Variants in RIPOR1 observed in about 807,000 individuals in gnomAD.
RIPOR1 encodes the protein RHO family interacting cell polarization regulator 1.
Under a neutral mutation model 116.5 loss-of-function variants are expected in RIPOR1, and 58 were observed. The observed-to-expected ratio is 0.50, with a 90% CI of 0.40 to 0.62. RIPOR1 has a LOEUF of 0.62. Ranked by LOEUF, RIPOR1 falls within the 20% of genes least tolerant of loss-of-function variation. The probability of loss-of-function intolerance (pLI) is 0.00; values close to 1 mark genes in which losing one functional copy is unlikely to be tolerated. For synonymous variants in RIPOR1, 605 were observed against 650.0 expected (o/e 0.93, Z 1.05); for missense variants, 1,372 against 1,586.2 (o/e 0.86, Z 2.29).
upstream of RIPOR1, chr16:67,528,441 C>A (rs577821372): frequency 6.6e-6 from 1 of 152,420 alleles, no homozygotes; most frequent in South Asian, 2.1e-4. Flanking sequence ...CTCCCCAAGG[C>A]CTTCACAACA....
intron 1 of RIPOR1, among the ~76,000 whole-genome samples, chr16:67,535,818 C>G (rs1166761007): frequency 6.6e-6 from 1 of 152,052 alleles, no homozygotes. Flanking sequence ...GAGAGGCCAG[C>G]GATAGGCAGG....
chr16:67,539,936 G>T (rs370249978), intron 6 of RIPOR1, 37 bp downstream of exon 6: 2 of 1,614,090 alleles, frequency 1.2e-6, no homozygotes. Context: ...GGGGTGGGGG[G>T]TTGGATATCA....
intron 1 of RIPOR1, among the ~76,000 whole-genome samples, chr16:67,535,224 A>T (rs760470067): frequency 4.6e-5 from 7 of 152,210 alleles, no homozygotes; most frequent in Non-Finnish European, 8.8e-5. Context: ...AAGGAGAAAG[A>T]TGACTAGGGT....
Position 67,530,346 on chromosome 16 carries a change from G to C in RIPOR1, c.-24+1432G>C, listed in dbSNP as rs1479105018. Among the ~76,000 whole-genome samples, 2 of 152,242 alleles carry C rather than the reference G, an allele frequency of 1.3e-5. No individual in the cohort carries two copies. Among genetic ancestry groups the C allele is most frequent in the Non-Finnish European group, 2.9e-5 (2 of 68,028 alleles). On this transcript the variant is annotated intron_variant, in intron 1 of 21. Coordinates refer to ENST00000042381, the MANE Select transcript of RIPOR1 (RefSeq NM_024519.4). This position sits in a 1 kb window ranked among gnomAD's most constrained non-coding sequence, Gnocchi z 4.5. ...TGAGGCCACCCGACAGCCTCCGCCCGGTTCCGGGGTGGGGGGTCCGGGGCT... is the reference window on the plus strand; with the variant it reads ...TGAGGCCACCCGACAGCCTCCGCCCCGTTCCGGGGTGGGGGGTCCGGGGCT...
At chr16:67,534,778 G>A (rs1231469746) in intron 1 of RIPOR1, among the ~76,000 whole-genome samples, 4 of 150,686 alleles carry the variant, frequency 2.7e-5, no homozygotes, top group Non-Finnish European at 5.9e-5. Flanking sequence ...TTTGCTATGT[G>A]GTAATTCCAT....
Position 67,537,685 on chromosome 16 carries a change from C to A in RIPOR1, c.-23-739C>A. On this transcript the variant is annotated intron_variant, in intron 1 of 21. Coordinates refer to ENST00000042381, the MANE Select transcript of RIPOR1 (RefSeq NM_024519.4). This position sits in a 1 kb window ranked among gnomAD's most constrained non-coding sequence, Gnocchi z 4.6. The stretch of plus-strand genomic sequence containing the variant: ...TGGGGGCCAGGAGTGTGTGTTTCGC[C>A]GAAGCGGGGTGGGGGTCTGCCGAGG... 1 of 933,524 alleles carries A rather than the reference C, an allele frequency of 1.1e-6. No individual in the cohort carries two copies. The highest frequency in any genetic ancestry group is 1.4e-6 in the Non-Finnish European group (1 of 700,024). The allele number at this position is 933,524 out of a possible 1,614,324, so 57.8% of individuals were successfully genotyped here.
chr16:67,540,685 C>A lies in RIPOR1; in HGVS notation c.782C>A (p.Thr261Lys). 1 of 1,604,268 alleles carries A rather than the reference C, an allele frequency of 6.2e-7. No individual in the cohort carries two copies. Among genetic ancestry groups the A allele is most frequent in the East Asian group, 2.2e-5 (1 of 44,800 alleles). The change falls in exon 10 of 22, where the codon ACG becomes AAG. Residue 261 changes from threonine (T) to lysine (K), a missense_variant. Thr to Lys is a moderately conservative substitution (Grantham distance 78, BLOSUM62 -1). This residue lies in a region of RIPOR1 where 202 missense variants were observed against 295.9 expected (regional missense o/e 0.68). Transcript: ENST00000042381. The surrounding 1 kb of genome is among the most constrained non-coding windows in gnomAD (Gnocchi z 4.7). Reference sequence around the variant, plus strand: ...GAAACCATCTTTCTCCCTCTACTCACGGAATTTCTGTCTATTAAGGTGATG... The same window carrying A: ...GAAACCATCTTTCTCCCTCTACTCAAGGAATTTCTGTCTATTAAGGTGATG... The part of the protein sequence containing the change: ...SEETIFLPLL[T>K]EFLSIKVTEL...
In RIPOR1 at chr16:67,544,612, T is replaced by C. The variant is rs2051104817; in HGVS notation, c.2734-83T>C. 2 of 1,584,490 alleles carry C rather than the reference T, an allele frequency of 1.3e-6. No homozygotes were observed. Among genetic ancestry groups the C allele is most frequent in the African/African-American group, 1.3e-5 (1 of 74,658 alleles). ...ACTCTGCAACCCCAACCTCCCCCAGTGCATGCTGGGACTTGTCCCTGAGCA... is the reference window on the plus strand; with the variant it reads ...ACTCTGCAACCCCAACCTCCCCCAGCGCATGCTGGGACTTGTCCCTGAGCA... On this transcript the variant is annotated intron_variant, in intron 15 of 21. Coordinates refer to ENST00000042381, the MANE Select transcript of RIPOR1 (RefSeq NM_024519.4). The surrounding 1 kb of genome is among the most constrained non-coding windows in gnomAD (Gnocchi z 5.1).
In RIPOR1 at chr16:67,544,383, G is replaced by A. The variant is rs1250504464; in HGVS notation, c.2685G>A (p.Leu895=). ...CCCTCAGCACGGGGTGTCCAGCTCT[G>A]GATGCTGCCTTGGTCCGGCACCTGT... ...ARPLSTGCPA[L]DAALVRHLYH... Residue 895 remains leucine (L), a synonymous_variant, in exon 15 of 22, where the codon CTG becomes CTA. Transcript: ENST00000042381. The surrounding 1 kb of genome is among the most constrained non-coding windows in gnomAD (Gnocchi z 5.1). 1.2e-6 allele frequency: 2 copies of A among 1,613,048 alleles called. No individual in the cohort carries two copies. Among genetic ancestry groups the A allele is most frequent in the African/African-American group, 2.7e-5 (2 of 74,898 alleles).
chr16:67,540,187 G>C lies in RIPOR1; in HGVS notation c.549G>C (p.Gly183=). The C allele has an allele frequency of 6.2e-7, 1 of 1,614,156 alleles. No homozygotes were observed. The highest frequency in any genetic ancestry group is 8.5e-7 in the Non-Finnish European group (1 of 1,179,994). Residue 183 remains glycine, a synonymous_variant, in exon 7 of 22, where the codon GGG becomes GGC. Coordinates refer to ENST00000042381, the MANE Select transcript of RIPOR1 (RefSeq NM_024519.4). This position sits in a 1 kb window ranked among gnomAD's most constrained non-coding sequence, Gnocchi z 4.7. ...ARDSLAEATR[G]HREYTESMCL... is the part of the protein sequence containing the mutation. ...ACAGCCTGGCAGAGGCCACTCGGGG[G>C]CATCGCGAGTACACGGAGGTGAGGG... is the stretch of plus-strand genomic sequence containing the variant.
rs2050629727 is a variant in RIPOR1 at position 67,530,446 on chromosome 16, C to T, written c.-24+1532C>T. On this transcript the variant is annotated intron_variant, in intron 1 of 21. Transcript: ENST00000042381. The surrounding 1 kb of genome is among the most constrained non-coding windows in gnomAD (Gnocchi z 4.5). ...CAGCCGCCGGGTTTGGGGGCAGTTG[C>T]CATGGAGACAAGGACAGGCTCAGAA... Among the ~76,000 whole-genome samples the T allele has an allele frequency of 6.6e-6, 1 of 152,186 alleles. No homozygotes were observed. The highest frequency in any genetic ancestry group is 2.4e-5 in the African/African-American group (1 of 41,448).
Position 67,529,831 on chromosome 16 carries a change from C to T in RIPOR1, c.-24+917C>T. On this transcript the variant is annotated intron_variant, in intron 1 of 21. Transcript: ENST00000042381. This position sits in a 1 kb window ranked among gnomAD's most constrained non-coding sequence, Gnocchi z 4.1. ...AGCATCTGAGGAGGGTTATGACCAT[C>T]TGGCAGATGCAGAAACAGGCCCAGA... is the stretch of plus-strand genomic sequence containing the variant. 6.5e-7 allele frequency: 1 copy of T among 1,535,902 alleles called. No homozygotes were observed. Among genetic ancestry groups the T allele is most frequent in the South Asian group, 1.2e-5 (1 of 84,064 alleles).
chr16:67,529,505 T>TG lies in RIPOR1; in HGVS notation c.-24+593dup, dbSNP rs879870527. 2 of 395,882 alleles carry TG rather than the reference T, an allele frequency of 5.1e-6. No homozygotes were observed. Among genetic ancestry groups the TG allele is most frequent in the African/African-American group, 2.1e-5 (1 of 48,440 alleles). The allele number at this position is 395,882 out of a possible 1,614,324, so 24.5% of individuals were successfully genotyped here. A position where few individuals can be genotyped will look rare whatever the true frequency, so the allele number is the denominator to read the frequency against. On this transcript the variant is annotated intron_variant, in intron 1 of 21. Coordinates refer to ENST00000042381, the MANE Select transcript of RIPOR1 (RefSeq NM_024519.4). The surrounding 1 kb of genome is among the most constrained non-coding windows in gnomAD (Gnocchi z 4.1). ...GGGGAACGGAGCTTTTCCCTGGAAA[T>TG]GGAGGTTGGCGCAAGGTTCCTGCAA...
In RIPOR1 at chr16:67,544,708, T is replaced by C. The variant is rs749667949; in HGVS notation, c.2747T>C (p.Phe916Ser). 6.8e-6 allele frequency: 11 copies of C among 1,613,264 alleles called. No homozygotes were observed. In the South Asian group the frequency reaches 7.7e-5, roughly 11 times the overall value. ...CATGTTCTCCAGAAACTGGGCACAT[T>C]TGGGCCCCTGCGCTGCCAGGAGGCA... is the stretch of plus-strand genomic sequence containing the variant. ...CSRLLLKLGT[F>S]GPLRCQEAWA... The change falls in exon 16 of 22, where the codon TTT becomes TCT. Residue 916 changes from phenylalanine to serine, a missense_variant. By Grantham distance (155) the Phe-to-Ser change is radical. Coordinates refer to ENST00000042381, the MANE Select transcript of RIPOR1 (RefSeq NM_024519.4). The surrounding 1 kb of genome is among the most constrained non-coding windows in gnomAD (Gnocchi z 5.1).
At position 67,543,768 on chromosome 16, in the gene RIPOR1, C is replaced by A; in HGVS notation, c.2600+299C>A. 1 of 482,946 alleles carries A rather than the reference C, an allele frequency of 2.1e-6. No homozygotes were observed. The allele number at this position is 482,946 out of a possible 1,614,324, so 29.9% of individuals were successfully genotyped here. A position where few individuals can be genotyped will look rare whatever the true frequency, so the allele number is the denominator to read the frequency against. On this transcript the variant is annotated intron_variant, in intron 14 of 21. Coordinates refer to ENST00000042381, the MANE Select transcript of RIPOR1 (RefSeq NM_024519.4). This position sits in a 1 kb window ranked among gnomAD's most constrained non-coding sequence, Gnocchi z 4.7. ...CCCATCAGCTTGGGTGCCTCCAGCC[C>A]CTCCTCTTCCCCTTGGCCTCACCTT...
chr16:67,522,884 C>G (rs1284163230), intron 1 of RIPOR1, among the ~76,000 whole-genome samples: 1 of 152,082 alleles, frequency 6.6e-6, no homozygotes, highest in Non-Finnish European at 1.5e-5. Flanking sequence ...ACTCAAGTCT[C>G]AGCTCCAATG....
rs1567569905 is a variant in RIPOR1, at chr16:67,539,725, C to T, written c.337-3C>T. 6.2e-7 allele frequency: 1 copy of T among 1,614,140 alleles called. No individual in the cohort carries two copies. Among genetic ancestry groups the T allele is most frequent in the South Asian group, 1.1e-5 (1 of 91,090 alleles). On this transcript the variant is annotated splice_region_variant and splice_polypyrimidine_tract_variant and intron_variant, in intron 4 of 21. Transcript: ENST00000042381. The stretch of plus-strand genomic sequence containing the variant: ...TATTTGCCCCTTCTCCCCACCCCTG[C>T]AGGGCTTCCTGTATGATCTGGACAA...
At position 67,546,746 on chromosome 16, in the gene RIPOR1, CAG is replaced by C. The variant is rs2051183243; in HGVS notation, c.*286_*287del. The C allele has an allele frequency of 2.0e-6, 1 of 509,590 alleles. No homozygotes were observed. Among genetic ancestry groups the C allele is most frequent in the East Asian group, 3.5e-5 (1 of 28,488 alleles). The allele number at this position is 509,590 out of a possible 1,614,324, so 31.6% of individuals were successfully genotyped here. ...ATCCCTTGGTTTTGTATTTTATTTA[CAG>C]AGTTTTACAGAAAATAAAAAAGCAA... On this transcript the variant is annotated 3_prime_UTR_variant, in exon 22 of 22. Coordinates refer to ENST00000042381, the MANE Select transcript of RIPOR1 (RefSeq NM_024519.4).
intron 1 of RIPOR1, among the ~76,000 whole-genome samples, chr16:67,533,925 A>C (rs1360334426): frequency 6.7e-6 from 1 of 149,014 alleles, no homozygotes; most frequent in African/African-American, 2.5e-5. Flanking sequence ...CTCCTGCCTC[A>C]GTCTTCTGAG....
Sources: gnomAD v4.1 joint callset for allele counts (sites outside exome capture counted in the v4.1 genomes callset) on GRCh38, gnomAD v4.1.1 for gene constraint, gnomAD v4.1.1 regional missense constraint, Gnocchi (gnomAD v3.1) non-coding constraint, MANE v1.5 for transcripts, NCBI Gene and HGNC (gene_info 2026-07-23, HGNC 2026-07-21) for gene names.